DTNA: variants seen among roughly 807,000 people sequenced by gnomAD.
The protein encoded by DTNA is dystrobrevin alpha.
DTNA carries 43 observed loss-of-function variants against 100.7 expected under a neutral mutation model. The observed-to-expected ratio is 0.43, with a 90% CI of 0.33 to 0.55. DTNA has a LOEUF of 0.55. DTNA is among the 20% of genes least tolerant of loss of function. The probability of loss-of-function intolerance (pLI) is 0.04; values close to 1 mark genes in which losing one functional copy is unlikely to be tolerated. For synonymous variants in DTNA, 349 were observed against 347.9 expected (o/e 1.00, Z -0.04); for missense variants, 798 against 953.9 (o/e 0.84, Z 2.15).
chr18:34,837,496 A>G (rs2096176004), intron 11 of DTNA, among the ~76,000 whole-genome samples: 1 of 152,244 alleles, frequency 6.6e-6, no homozygotes, highest in African/African-American at 2.4e-5. Flanking sequence ...ATGAGACTAT[A>G]TTCACTAGCT....
intron 1 of DTNA, among the ~76,000 whole-genome samples, chr18:34,553,382 A>T (rs888808258): frequency 6.6e-6 from 1 of 150,540 alleles, no homozygotes; most frequent in Admixed American, 6.6e-5. Flanking sequence ...TCTTTAGTTT[A>T]ATTAGATCCC....
intron 11 of DTNA, among the ~76,000 whole-genome samples, chr18:34,836,057 A>G (rs553682695): frequency 3.3e-4 from 50 of 152,366 alleles, no homozygotes; most frequent in Non-Finnish European, 5.4e-4. Context: ...GTTACAAAAA[A>G]GAATTGGGGG....
intron 3 of DTNA, among the ~76,000 whole-genome samples, chr18:34,785,804 AC>A (rs2094488533): frequency 1.7e-5 from 2 of 114,588 alleles, no homozygotes; most frequent in African/African-American, 3.3e-5. Flanking sequence ...TCTCCGACAC[AC>A]ATGTAAGTTC....
At chr18:34,811,198 C>T (rs1291490764) in intron 5 of DTNA, among the ~76,000 whole-genome samples, 2 of 152,060 alleles carry the variant, frequency 1.3e-5, no homozygotes, top group South Asian at 2.1e-4. Flanking sequence ...GGAAATTATG[C>T]CATTAATATT....
At chr18:34,630,442 T>A (rs575894631) in intron 1 of DTNA, among the ~76,000 whole-genome samples, 1 of 152,326 alleles carries the variant, frequency 6.6e-6, no homozygotes, top group African/African-American at 2.4e-5. Context: ...TACATTATGT[T>A]ACAGGGTTAC....
chr18:34,554,408 T>G lies in DTNA; in HGVS notation c.-2+60894T>G, dbSNP rs1056492784. ...TTGCCCTGGCCAGAACTTCCAACAC[T>G]ATGTTGAAAAGGAGTGGTGAGAGAG... On this transcript the variant is annotated intron_variant, in intron 1 of 19. Coordinates refer to the DTNA transcript ENST00000283365. Among the ~76,000 whole-genome samples, 13 of 149,410 alleles carry G rather than the reference T, an allele frequency of 8.7e-5. No individual in the cohort carries two copies. In the East Asian group the frequency reaches 2.5e-3, roughly 29 times the overall value.
chr18:34,845,207 A>G (rs1449734118), intron 13 of DTNA, among the ~76,000 whole-genome samples: 1 of 152,132 alleles, frequency 6.6e-6, no homozygotes, highest in Non-Finnish European at 1.5e-5. Context: ...ATTTGAACAT[A>G]CTGAAATGGC....
intron 1 of DTNA, among the ~76,000 whole-genome samples, chr18:34,681,433 A>G (rs1444539898): frequency 6.6e-6 from 1 of 152,102 alleles, no homozygotes; most frequent in Non-Finnish European, 1.5e-5. Context: ...CACAAAGTGT[A>G]TACTTCCCAT....
At chr18:34,605,416 C>T (rs1220559638) in intron 1 of DTNA, among the ~76,000 whole-genome samples, 2 of 152,116 alleles carry the variant, frequency 1.3e-5, no homozygotes, top group African/African-American at 2.4e-5. Context: ...AACAAAGTCC[C>T]TCCACCAATC....
intron 7 of DTNA, 73 bp downstream of exon 7, chr18:34,816,087 A>G: frequency 6.9e-7 from 1 of 1,458,080 alleles, no homozygotes; most frequent in Middle Eastern, 1.8e-4. Context: ...ACAGTTAGTA[A>G]GCCCAGGCTG....
chr18:34,863,022 T>G (rs1038880348), intron 16 of DTNA, among the ~76,000 whole-genome samples: 1 of 152,212 alleles, frequency 6.6e-6, no homozygotes, highest in African/African-American at 2.4e-5. Flanking sequence ...AAAGTTTCCA[T>G]GCAGTTTTAG....
intron 1 of DTNA, chr18:34,513,744 A>T (rs1049776605): frequency 6.6e-6 from 1 of 152,172 alleles, no homozygotes; most frequent in Non-Finnish European, 1.5e-5. Context: ...TGTATGAAAC[A>T]TGAGAAAATA....
chr18:34,838,875 G>A (rs751085636), intron 13 of DTNA, 38 bp downstream of exon 13: 59 of 1,575,988 alleles, frequency 3.7e-5, no homozygotes, highest in Non-Finnish European at 4.9e-5. Flanking sequence ...TCCTTAGAGA[G>A]GGATACAGTC....
chr18:34,567,927 G>A (rs2047227829), intron 1 of DTNA, among the ~76,000 whole-genome samples: 1 of 151,872 alleles, frequency 6.6e-6, no homozygotes, highest in South Asian at 2.1e-4. Context: ...ATTCTGCCGG[G>A]TTTTTAAAAA....
intron 12 of DTNA, 69 bp downstream of exon 12, chr18:34,838,240 A>G: frequency 1.3e-6 from 2 of 1,549,266 alleles, no homozygotes; most frequent in Non-Finnish European, 1.8e-6. Context: ...TCTTTTGTCA[A>G]AAATGCTTTG....
At chr18:34,821,878 A>G (rs2095731720) in intron 9 of DTNA, among the ~76,000 whole-genome samples, 1 of 152,230 alleles carries the variant, frequency 6.6e-6, no homozygotes, top group Non-Finnish European at 1.5e-5. Context: ...CATAAGGGGC[A>G]CTGTGGTGGG....
chr18:34,870,266 A>T (rs2096752410), intron 17 of DTNA, among the ~76,000 whole-genome samples: 1 of 152,160 alleles, frequency 6.6e-6, no homozygotes. Flanking sequence ...TTCTCTGTTT[A>T]TAACTGGATG....
At chr18:34,607,097 TAATG>T (rs1032784440) in intron 1 of DTNA, among the ~76,000 whole-genome samples, 8 of 152,214 alleles carry the variant, frequency 5.3e-5, no homozygotes, top group African/African-American at 1.9e-4. Context: ...TTTTACTTCA[TAATG>T]AATCTTTGTT....
Position 34,820,830 on chromosome 18 carries a change from T to A in DTNA, c.916T>A (p.Ser306Thr). ...GAAGCTGACTAATGCATTAAGCAAG[T>A]CCCTGAGCTGTGCTTCCAGCCGTGA... ...AKKLTNALSK[S>T]LSCASSREPL... The change falls in exon 9 of 23, where the codon TCC (serine) becomes ACC (threonine). Residue 306 changes from serine (S) to threonine (T), a missense_variant. Around this residue, in one of 6 missense-constraint regions of DTNA, gnomAD observed 93 missense variants for 90.5 expected, o/e 1.03. Transcript: ENST00000444659. 6.2e-7 allele frequency: 1 copy of A among 1,614,134 alleles called. No homozygotes were observed. Among genetic ancestry groups the A allele is most frequent in the Non-Finnish European group, 8.5e-7 (1 of 1,180,008 alleles).
Sources: gnomAD v4.1 joint callset for allele counts (sites outside exome capture counted in the v4.1 genomes callset) on GRCh38, gnomAD v4.1.1 for gene constraint, gnomAD v4.1.1 regional missense constraint, MANE v1.5 for transcripts, NCBI Gene and HGNC (gene_info 2026-07-23, HGNC 2026-07-21) for gene names.